HTR1F: variants seen among roughly 807,000 people sequenced by gnomAD.
The protein encoded by HTR1F is 5-hydroxytryptamine (serotonin) receptor 1F, G protein-coupled.
A neutral mutation model predicts 24.0 loss-of-function variants in HTR1F; 17 were observed. That is an observed-to-expected ratio of 0.71 (90% CI 0.48 to 1.06). The LOEUF (loss-of-function observed/expected upper bound fraction) is 1.06, where lower values mean the gene tolerates loss of function less well. Among genes scored for constraint, HTR1F ranks in the 50% least tolerant of loss-of-function variants. HTR1F has a pLI of 0.00. For synonymous variants in HTR1F, 186 were observed against 156.8 expected (o/e 1.19, Z -1.39); for missense variants, 391 against 427.8 (o/e 0.91, Z 0.76).
chr3:87,857,674 C>CTTCTGAATATAG (rs1705225187), intron 2 of HTR1F, among the ~76,000 whole-genome samples: 1 of 152,050 alleles, frequency 6.6e-6, no homozygotes, highest in Non-Finnish European at 1.5e-5. Context: ...CATAGCCTCC[C>CTTCTGAATATAG]CCATTAGCAA....
chr3:87,937,325 T>A (rs1704449049), intron 2 of HTR1F, among the ~76,000 whole-genome samples: 1 of 151,772 alleles, frequency 6.6e-6, no homozygotes, highest in Non-Finnish European at 1.5e-5. Context: ...TATACACAAA[T>A]CAATAAATAT....
rs1439014005 is a variant in HTR1F, at chr3:87,885,629, T to C, written c.-43+63505T>C. The stretch of plus-strand genomic sequence containing the variant: ...ATAAAGAAAAGAGAGAAGAATCAAA[T>C]AGACGCAATAAAAAATGATAAAGGG... On this transcript the variant is annotated intron_variant, in intron 2 of 2. Transcript: ENST00000319595. Among the ~76,000 whole-genome samples, 5 of 151,794 alleles carry C rather than the reference T, an allele frequency of 3.3e-5. No individual in the cohort carries two copies. The East Asian group carries it at 9.7e-4, about 29-fold the overall frequency.
intron 1 of HTR1F, among the ~76,000 whole-genome samples, chr3:87,809,582 A>G (rs1450316121): frequency 6.6e-6 from 1 of 152,074 alleles, no homozygotes; most frequent in Non-Finnish European, 1.5e-5. Flanking sequence ...AGCAAATTAC[A>G]TACTGGATAC....
intron 1 of HTR1F, among the ~76,000 whole-genome samples, chr3:87,817,721 A>C (rs1704276533): frequency 6.6e-6 from 1 of 152,212 alleles, no homozygotes; most frequent in Admixed American, 6.5e-5. Context: ...CTTTACTCCA[A>C]GTGACATAAA....
intron 1 of HTR1F, among the ~76,000 whole-genome samples, chr3:87,796,199 GAGGCAA>G (rs1287202607): frequency 1.5e-5 from 2 of 137,002 alleles, no homozygotes; most frequent in East Asian, 1.9e-4. Context: ...GATGTATTTG[GAGGCAA>G]AGGTGACAAG....
intron 2 of HTR1F, among the ~76,000 whole-genome samples, chr3:87,831,055 G>GA (rs1361797349): frequency 1.3e-5 from 2 of 151,960 alleles, no homozygotes; most frequent in African/African-American, 4.8e-5. Flanking sequence ...GTTGATAAAT[G>GA]AAAAAATAAT....
intron 2 of HTR1F, among the ~76,000 whole-genome samples, chr3:87,884,535 A>G (rs1705889192): frequency 6.6e-6 from 1 of 152,222 alleles, no homozygotes. Flanking sequence ...AAATGCCTCA[A>G]TTAAAAGACA....
chr3:87,812,594 G>A (rs577033664), intron 1 of HTR1F, among the ~76,000 whole-genome samples: 13 of 152,322 alleles, frequency 8.5e-5, no homozygotes, highest in Admixed American at 5.9e-4. Context: ...ACCTGCTGCA[G>A]AAATTTGCAT....
At chr3:87,880,511 A>G (rs1294610424) in intron 2 of HTR1F, among the ~76,000 whole-genome samples, 2 of 152,328 alleles carry the variant, frequency 1.3e-5, no homozygotes, top group African/African-American at 4.8e-5. Context: ...TTAGAAATAA[A>G]TTAACTGGAT....
At chr3:87,920,709 A>G (rs1039180436) in intron 2 of HTR1F, among the ~76,000 whole-genome samples, 25 of 151,926 alleles carry the variant, frequency 1.6e-4, no homozygotes, top group African/African-American at 5.8e-4. Flanking sequence ...AAGAACACAC[A>G]ATGGGGCCTG....
intron 2 of HTR1F, among the ~76,000 whole-genome samples, chr3:87,921,041 A>G (rs1001236278): frequency 2.0e-5 from 3 of 152,004 alleles, no homozygotes; most frequent in African/African-American, 7.2e-5. Context: ...AATTCTACAT[A>G]TTATATACAT....
intron 1 of HTR1F, among the ~76,000 whole-genome samples, chr3:87,807,018 C>T (rs2107085438): frequency 1.3e-5 from 2 of 152,064 alleles, no homozygotes; most frequent in Admixed American, 1.3e-4. Context: ...ACCATGCGAT[C>T]TTAGTTACCA....
intron 2 of HTR1F, among the ~76,000 whole-genome samples, chr3:87,989,072 A>G (rs988566337): frequency 6.6e-6 from 1 of 152,202 alleles, no homozygotes; most frequent in African/African-American, 2.4e-5. Flanking sequence ...TCAGGTCTCC[A>G]TATTGTCCTT....
intron 2 of HTR1F, among the ~76,000 whole-genome samples, chr3:87,978,943 A>G (rs1705463270): frequency 8.3e-6 from 1 of 121,098 alleles, no homozygotes. Flanking sequence ...GAAAAGAGAG[A>G]GATGGGAAAG....
intron 2 of HTR1F, among the ~76,000 whole-genome samples, chr3:87,941,797 G>A (rs1205176902): frequency 6.6e-6 from 1 of 152,144 alleles, no homozygotes; most frequent in South Asian, 2.1e-4. Context: ...GAGTACAAGG[G>A]TTAGGCATAG....
At chr3:87,963,658 T>C (rs1192259802) in intron 2 of HTR1F, among the ~76,000 whole-genome samples, 1 of 152,122 alleles carries the variant, frequency 6.6e-6, no homozygotes, top group Non-Finnish European at 1.5e-5. Flanking sequence ...AAATCCATGA[T>C]TTTATAGTTC....
In HTR1F at chr3:87,993,629, T is replaced by G. The variant is rs374648969; in HGVS notation, c.*1779T>G. On this transcript the variant is annotated 3_prime_UTR_variant, in exon 3 of 3. Coordinates refer to ENST00000319595, the MANE Select transcript of HTR1F (RefSeq NM_001322209.2). ...GATACAAACTGCACCATGCAAGTAT[T>G]TGGTGGGGCATGTTCATAAATAGCA... 3.0e-5 allele frequency: 5 copies of G among 167,110 alleles called. No individual in the cohort carries two copies. The East Asian group carries it at 5.8e-4, about 19-fold the overall frequency. The allele number at this position is 167,110 out of a possible 1,614,324, so 10.4% of individuals were successfully genotyped here.
intron 2 of HTR1F, among the ~76,000 whole-genome samples, chr3:87,901,600 G>A (rs553528925): frequency 6.6e-6 from 1 of 152,042 alleles, no homozygotes; most frequent in South Asian, 2.1e-4. Context: ...ACTACTATTT[G>A]TAATATTAAG....
chr3:87,991,172 C>A lies in HTR1F; in HGVS notation c.423C>A (p.Gly141=). The A allele has an allele frequency of 6.2e-7, 1 of 1,613,986 alleles. No homozygotes were observed. The highest frequency in any genetic ancestry group is 1.1e-5 in the South Asian group (1 of 91,076). The part of the protein sequence containing the change: ...YARKRTPKHA[G]IMITIVWIIS... Reference sequence around the variant, plus strand: ...GGAAAAGGACTCCAAAGCATGCTGGCATTATGATTACAATAGTTTGGATTA... The same window carrying A: ...GGAAAAGGACTCCAAAGCATGCTGGAATTATGATTACAATAGTTTGGATTA... The change falls in exon 3 of 3, where the codon GGC becomes GGA. Residue 141 remains glycine, a synonymous_variant. Coordinates refer to ENST00000319595, the MANE Select transcript of HTR1F (RefSeq NM_001322209.2).
Sources: gnomAD v4.1 joint callset for allele counts (sites outside exome capture counted in the v4.1 genomes callset) on GRCh38, gnomAD v4.1.1 for gene constraint, MANE v1.5 for transcripts, NCBI Gene and HGNC (gene_info 2026-07-23, HGNC 2026-07-21) for gene names.